The following PRKN variants were observed in gnomAD, a reference collection of about 807,000 sequenced individuals.
PRKN encodes parkin RBR E3 ubiquitin protein ligase, also known as E3 ubiquitin-protein ligase parkin.
PRKN carries 56 observed loss-of-function variants against 59.5 expected under a neutral mutation model. The observed-to-expected ratio is 0.94, with a 90% CI of 0.76 to 1.18. PRKN has a LOEUF of 1.18. PRKN is among the 50% of genes most tolerant of loss of function. The probability of loss-of-function intolerance (pLI) is 0.00; values close to 1 mark genes in which losing one functional copy is unlikely to be tolerated. For synonymous variants in PRKN, 250 were observed against 222.1 expected (o/e 1.13, Z -1.12); for missense variants, 657 against 596.4 (o/e 1.10, Z -1.06).
intron 7 of PRKN, among the ~76,000 whole-genome samples, chr6:161,585,187 C>G (rs1028253293): frequency 1.3e-5 from 2 of 152,216 alleles, no homozygotes; most frequent in Non-Finnish European, 2.9e-5. Context: ...CTGAAGCACA[C>G]GGGCACCATT....
intron 1 of PRKN, among the ~76,000 whole-genome samples, chr6:162,451,206 C>T (rs867229724): frequency 2.0e-5 from 3 of 151,510 alleles, no homozygotes; most frequent in South Asian, 2.1e-4. Flanking sequence ...ATAATGTCTG[C>T]GATATAATTT....
At chr6:161,734,734 AAT>A (rs1787894423) in intron 7 of PRKN, among the ~76,000 whole-genome samples, 1 of 152,304 alleles carries the variant, frequency 6.6e-6, no homozygotes, top group South Asian at 2.1e-4. Flanking sequence ...GAATTGAATA[AAT>A]CTTCCAAGCC....
At chr6:162,094,464 A>G (rs1190820707) in intron 4 of PRKN, among the ~76,000 whole-genome samples, 1 of 152,170 alleles carries the variant, frequency 6.6e-6, no homozygotes, top group African/African-American at 2.4e-5. Flanking sequence ...AGCCTGGGTG[A>G]CAGAGGAAGA....
chr6:161,520,523 C>G (rs1411087011), intron 9 of PRKN, among the ~76,000 whole-genome samples: 1 of 151,964 alleles, frequency 6.6e-6, no homozygotes, highest in African/African-American at 2.4e-5. Context: ...CCCCTGTGCT[C>G]AGCCAATAGT....
intron 11 of PRKN, among the ~76,000 whole-genome samples, chr6:161,350,525 A>G (rs1364311302): frequency 6.8e-6 from 1 of 147,412 alleles, no homozygotes; most frequent in Non-Finnish European, 1.5e-5. Flanking sequence ...TTTCATAGAT[A>G]GGGGTCAATT....
At chr6:161,803,352 G>A (rs1791169886) in intron 6 of PRKN, among the ~76,000 whole-genome samples, 1 of 152,220 alleles carries the variant, frequency 6.6e-6, no homozygotes, top group Non-Finnish European at 1.5e-5. Flanking sequence ...ACTCTGGGTA[G>A]AAGAAAAGCT....
In PRKN at chr6:161,582,223, T is replaced by A. The variant is rs765410974; in HGVS notation, c.872-12807A>T. Among the ~76,000 whole-genome samples, 4 of 152,204 alleles carry A rather than the reference T, an allele frequency of 2.6e-5. No homozygotes were observed. Among genetic ancestry groups the A allele is most frequent in the Non-Finnish European group, 4.4e-5 (3 of 68,032 alleles). On this transcript the variant is annotated intron_variant, in intron 7 of 11. Coordinates refer to ENST00000366898, the MANE Select transcript of PRKN (RefSeq NM_004562.3). The surrounding 1 kb of genome is among the most constrained non-coding windows in gnomAD (Gnocchi z 4.4). Reference sequence around the variant, plus strand: ...AATTTCCAATGACAACCCAATTCTTTGGATAATTCGTCTTATTTTATAATA... The same window carrying A: ...AATTTCCAATGACAACCCAATTCTTAGGATAATTCGTCTTATTTTATAATA...
At chr6:162,642,676 GAATAT>G (rs1225598492) in intron 1 of PRKN, among the ~76,000 whole-genome samples, 5 of 151,750 alleles carry the variant, frequency 3.3e-5, no homozygotes, top group South Asian at 2.1e-4. Flanking sequence ...ATCTTATGAA[GAATAT>G]AATATAGTAT....
intron 2 of PRKN, among the ~76,000 whole-genome samples, chr6:162,439,605 T>G (rs1172086834): frequency 6.6e-6 from 1 of 152,080 alleles, no homozygotes; most frequent in Non-Finnish European, 1.5e-5. Flanking sequence ...TAACATGGGT[T>G]GAAACTGCAT....
rs552715532 is a variant in PRKN, at chr6:162,008,889, A to T, written c.619-35472T>A. On this transcript the variant is annotated intron_variant, in intron 5 of 11. Transcript: ENST00000366898. ...TTAACAGTCTTTGAGAACCAAAGGA[A>T]TCTGGCTGGATACCCTTGTAAGAGT... is the stretch of plus-strand genomic sequence containing the variant. Among the ~76,000 whole-genome samples the T allele has an allele frequency of 2.6e-5, 4 of 152,188 alleles. No homozygotes were observed. The South Asian group carries it at 8.3e-4, about 32-fold the overall frequency.
At chr6:161,504,663 A>G (rs13199147) in intron 9 of PRKN, among the ~76,000 whole-genome samples, 92,779 of 130,458 alleles carry the variant, frequency 0.71, 33,351 homozygotes, top group Middle Eastern at 0.8. Context: ...TCCCAATGCT[A>G]TCCCTCCCCC....
intron 4 of PRKN, among the ~76,000 whole-genome samples, chr6:162,071,361 C>A (rs1163694201): frequency 1.3e-5 from 2 of 151,608 alleles, no homozygotes; most frequent in Non-Finnish European, 2.9e-5. Context: ...TATTGTTATT[C>A]AAAGTACCTT....
intron 7 of PRKN, among the ~76,000 whole-genome samples, chr6:161,711,342 C>T (rs1169426726): frequency 2.6e-5 from 4 of 152,100 alleles, no homozygotes; most frequent in Admixed American, 2.6e-4. Flanking sequence ...CACACTGATG[C>T]ATGTATACAT....
intron 2 of PRKN, among the ~76,000 whole-genome samples, chr6:162,403,694 C>A (rs9356013): frequency 0.069 from 10,545 of 152,114 alleles, 368 homozygotes; most frequent in South Asian, 0.13. Context: ...AAAAAGTGTT[C>A]CATCTGAGGA....
Position 161,591,065 on chromosome 6 carries a change from T to C in PRKN, c.872-21649A>G, listed in dbSNP as rs575936763. On this transcript the variant is annotated intron_variant, in intron 7 of 11. Transcript: ENST00000366898. ...GGTTACATAACAGATTACTCCGGTA[T>C]TGAGAAAACATATTCTGCAATCTTC... Among the ~76,000 whole-genome samples, 7 of 152,310 alleles carry C rather than the reference T, an allele frequency of 4.6e-5. No individual in the cohort carries two copies. The South Asian group carries it at 1.2e-3, about 27-fold the overall frequency.
chr6:162,432,102 T>C (rs994388326), intron 2 of PRKN, among the ~76,000 whole-genome samples: 4 of 152,160 alleles, frequency 2.6e-5, no homozygotes, highest in Non-Finnish European at 4.4e-5. Context: ...AACCAATGTA[T>C]AATTGGTTAA....
chr6:161,474,670 C>T (rs1790977671), intron 9 of PRKN, among the ~76,000 whole-genome samples: 1 of 151,938 alleles, frequency 6.6e-6, no homozygotes, highest in Non-Finnish European at 1.5e-5. Flanking sequence ...TCTCGGCTCA[C>T]TGCAAGCTCC....
chr6:161,519,800 T>C, intron 9 of PRKN, among the ~76,000 whole-genome samples: 1 of 152,178 alleles, frequency 6.6e-6, no homozygotes, highest in East Asian at 1.9e-4. Context: ...TTAGAGAATC[T>C]AGAGGAAATA....
chr6:161,919,565 G>T (rs1778702456), intron 6 of PRKN, among the ~76,000 whole-genome samples: 1 of 152,192 alleles, frequency 6.6e-6, no homozygotes, highest in Non-Finnish European at 1.5e-5. Flanking sequence ...GATGGTTAAA[G>T]GTTTCAGTTG....
Sources: gnomAD v4.1 joint callset for allele counts (sites outside exome capture counted in the v4.1 genomes callset) on GRCh38, gnomAD v4.1.1 for gene constraint, Gnocchi (gnomAD v3.1) non-coding constraint, MANE v1.5 for transcripts, NCBI Gene and HGNC (gene_info 2026-07-23, HGNC 2026-07-21) for gene names.